GTPBP10: variants seen among roughly 807,000 people sequenced by gnomAD.
GTPBP10 encodes the protein GTP binding protein 10, also known as GTP-binding protein 10.
In GTPBP10, 38 loss-of-function variants were observed where a neutral mutation model predicts 44.8. The observed-to-expected ratio is 0.85, with a 90% CI of 0.65 to 1.11. GTPBP10 has a LOEUF of 1.11. Ranked by LOEUF, GTPBP10 falls within the 50% of genes most tolerant of loss-of-function variation. The pLI is 0.00. For missense variants in GTPBP10, 462 were observed against 453.7 expected (o/e 1.02, Z -0.17); for synonymous variants, 152 against 150.6 (o/e 1.01, Z -0.07).
chr7:90,370,931 G>A (rs912962298), intron 4 of GTPBP10, among the ~76,000 whole-genome samples: 86 of 151,840 alleles, frequency 5.7e-4, no homozygotes, highest in African/African-American at 1.8e-3. Flanking sequence ...GGCGTGAACC[G>A]GGAGGTGGAG....
intron 6 of GTPBP10, 68 bp from the exon 7 acceptor site, chr7:90,377,439 T>G (rs1796359782): frequency 2.1e-6 from 2 of 968,148 alleles, no homozygotes; most frequent in African/African-American, 1.6e-5. Context: ...TTAAAAATTT[T>G]GGGATGTAAT....
intron 1 of GTPBP10, among the ~76,000 whole-genome samples, chr7:90,350,254 AG>A (rs1164752884): frequency 6.6e-6 from 1 of 152,230 alleles, no homozygotes; most frequent in Non-Finnish European, 1.5e-5. Context: ...ATGGCTGCAT[AG>A]TATTCCATCG....
chr7:90,367,236 T>C (rs1040934339), intron 4 of GTPBP10, among the ~76,000 whole-genome samples: 2 of 152,124 alleles, frequency 1.3e-5, no homozygotes, highest in South Asian at 4.2e-4. Context: ...ATAAGTACGA[T>C]ATGCTGAGAA....
chr7:90,375,614 A>G (rs2115740186), intron 6 of GTPBP10, among the ~76,000 whole-genome samples: 1 of 152,338 alleles, frequency 6.6e-6, no homozygotes, highest in South Asian at 2.1e-4. Flanking sequence ...CAATATTTAG[A>G]GGAAAAGAGA....
rs1796552477 is a variant in GTPBP10 at position 90,387,914 on chromosome 7, A to G, written c.*2760A>G. The G allele has an allele frequency of 6.6e-6, 1 of 152,218 alleles. No individual in the cohort carries two copies. Among genetic ancestry groups the G allele is most frequent in the South Asian group, 2.1e-4 (1 of 4,820 alleles). 9.4% of individuals were successfully genotyped at this position (152,218 alleles called of 1,614,324 possible). A position where few individuals can be genotyped will look rare whatever the true frequency, so the allele number is the denominator to read the frequency against. The stretch of plus-strand genomic sequence containing the variant: ...AAGCTCCATTGTTTTCTAAATGTAA[A>G]CAAGTATCAATGTAAGGACAGTTTC... On this transcript the variant is annotated 3_prime_UTR_variant, in exon 10 of 10. Transcript: ENST00000222511.
intron 1 of GTPBP10, among the ~76,000 whole-genome samples, chr7:90,352,162 C>A (rs1795802697): frequency 6.6e-6 from 1 of 152,094 alleles, no homozygotes; most frequent in African/African-American, 2.4e-5. Flanking sequence ...GGCAGTGGTA[C>A]TGGAGAGAAG....
At chr7:90,362,630 C>T (rs1413446379) in intron 4 of GTPBP10, among the ~76,000 whole-genome samples, 2 of 152,118 alleles carry the variant, frequency 1.3e-5, no homozygotes, top group African/African-American at 4.8e-5. Flanking sequence ...GTGGAGAGTT[C>T]TGTAGATGTC....
Position 90,387,595 on chromosome 7 carries a change from C to G in GTPBP10, c.*2441C>G, listed in dbSNP as rs1488657915. 2.0e-5 allele frequency: 3 copies of G among 152,112 alleles called. No homozygotes were observed. Among genetic ancestry groups the G allele is most frequent in the African/African-American group, 7.2e-5 (3 of 41,390 alleles). The allele number at this position is 152,112 out of a possible 1,614,324, so 9.4% of individuals were successfully genotyped here. Reference sequence around the variant, plus strand: ...TCACTCCTACCTCTCATTCCAGTCCCCAAACTGGCTTTTCTTTTATTTCTT... The same window carrying G: ...TCACTCCTACCTCTCATTCCAGTCCGCAAACTGGCTTTTCTTTTATTTCTT... On this transcript the variant is annotated 3_prime_UTR_variant, in exon 10 of 10. Coordinates refer to ENST00000222511, the MANE Select transcript of GTPBP10 (RefSeq NM_033107.4).
At chr7:90,366,210 T>G (rs749661768) in intron 4 of GTPBP10, among the ~76,000 whole-genome samples, 1 of 152,150 alleles carries the variant, frequency 6.6e-6, no homozygotes, top group Non-Finnish European at 1.5e-5. Context: ...GTCAGGGATA[T>G]TGGCCTAGAA....
rs971469970 is a variant in GTPBP10 at position 90,387,860 on chromosome 7, C to T, written c.*2706C>T. ...CAGGTTTTGTATTGGGTATGTTTTA[C>T]ATTTGTAACTTCAGTGCTATTTTTT... On this transcript the variant is annotated 3_prime_UTR_variant, in exon 10 of 10. Coordinates refer to ENST00000222511, the MANE Select transcript of GTPBP10 (RefSeq NM_033107.4). 6.6e-6 allele frequency: 1 copy of T among 152,158 alleles called. No homozygotes were observed. The allele number at this position is 152,158 out of a possible 1,614,324, so 9.4% of individuals were successfully genotyped here.
chr7:90,361,712 C>T (rs946288024), intron 4 of GTPBP10, among the ~76,000 whole-genome samples: 7 of 152,182 alleles, frequency 4.6e-5, no homozygotes, highest in African/African-American at 1.4e-4. Flanking sequence ...ATGGTACCAG[C>T]TCCTCCTTGT....
Position 90,389,679 on chromosome 7 carries a change from A to G in GTPBP10, c.*4525A>G, listed in dbSNP as rs1796583517. On this transcript the variant is annotated 3_prime_UTR_variant, in exon 10 of 10. Transcript: ENST00000222511. ...AGTTTATAACTCAAGAATTAATGAGATAAACAGTGGACAAAAAGTGTTGGC... is the reference window on the plus strand; with the variant it reads ...AGTTTATAACTCAAGAATTAATGAGGTAAACAGTGGACAAAAAGTGTTGGC... The G allele has an allele frequency of 6.6e-6, 1 of 152,234 alleles. No homozygotes were observed. The highest frequency in any genetic ancestry group is 2.4e-5 in the African/African-American group (1 of 41,474). 9.4% of individuals were successfully genotyped at this position (152,234 alleles called of 1,614,324 possible).
chr7:90,371,449 T>A (rs1796255761), intron 4 of GTPBP10, among the ~76,000 whole-genome samples: 1 of 152,188 alleles, frequency 6.6e-6, no homozygotes, highest in Admixed American at 6.5e-5. Context: ...AACTGCCAAT[T>A]TTTTGCAGAC....
In GTPBP10 at chr7:90,387,277, A is replaced by C. The variant is rs1050432427; in HGVS notation, c.*2123A>C. 4 of 152,276 alleles carry C rather than the reference A, an allele frequency of 2.6e-5. No homozygotes were observed. Among genetic ancestry groups the C allele is most frequent in the African/African-American group, 9.6e-5 (4 of 41,456 alleles). 9.4% of individuals were successfully genotyped at this position (152,276 alleles called of 1,614,324 possible). On this transcript the variant is annotated 3_prime_UTR_variant, in exon 10 of 10. Transcript: ENST00000222511. ...CTTGAACCCGGGAGGCGGAGGTTGC[A>C]GTGAGCTGAGATTGCGCCATTGCAC...
At position 90,374,301 on chromosome 7, in the gene GTPBP10, G is replaced by A; in HGVS notation, c.539-1G>A. On this transcript the variant is annotated splice_acceptor_variant, in intron 5 of 9. Transcript: ENST00000222511. LOFTEE classifies it high-confidence loss of function. ...TAATTTATTGCTGTGTTTCCTTTTAGTTACAACATTAAAGCCTGAACTTGG... is the reference window on the plus strand; with the variant it reads ...TAATTTATTGCTGTGTTTCCTTTTAATTACAACATTAAAGCCTGAACTTGG... 6.3e-7 allele frequency: 1 copy of A among 1,592,826 alleles called. No individual in the cohort carries two copies. The highest frequency in any genetic ancestry group is 1.1e-5 in the South Asian group (1 of 90,218).
intron 4 of GTPBP10, among the ~76,000 whole-genome samples, chr7:90,356,830 A>C (rs1009811634): frequency 5.3e-5 from 8 of 152,190 alleles, no homozygotes; most frequent in Admixed American, 2.0e-4. Context: ...TATCTTCATC[A>C]TCATTATATT....
intron 4 of GTPBP10, among the ~76,000 whole-genome samples, chr7:90,360,661 T>C (rs1795998888): frequency 6.6e-6 from 1 of 152,160 alleles, no homozygotes; most frequent in South Asian, 2.1e-4. Context: ...AGTAGTTTTT[T>C]CCAATTCTGT....
intron 4 of GTPBP10, among the ~76,000 whole-genome samples, chr7:90,360,841 A>G (rs1796003339): frequency 6.6e-6 from 1 of 152,114 alleles, no homozygotes; most frequent in South Asian, 2.1e-4. Context: ...GTTCTTGAAG[A>G]GGTCCTTCAC....
At chr7:90,364,850 C>T (rs1796100029) in intron 4 of GTPBP10, among the ~76,000 whole-genome samples, 1 of 152,196 alleles carries the variant, frequency 6.6e-6, no homozygotes, top group Non-Finnish European at 1.5e-5. Context: ...CCGCCAGCCT[C>T]ACTGCCGCCT....
Sources: gnomAD v4.1 joint callset for allele counts (sites outside exome capture counted in the v4.1 genomes callset) on GRCh38, gnomAD v4.1.1 for gene constraint, MANE v1.5 for transcripts, NCBI Gene and HGNC (gene_info 2026-07-23, HGNC 2026-07-21) for gene names.